Variants in SYNPR observed in about 807,000 individuals in gnomAD.
The protein encoded by SYNPR is synaptoporin.
SYNPR carries 23 observed loss-of-function variants against 32.9 expected under a neutral mutation model. The ratio of observed to expected loss-of-function variants is 0.70; its 90% CI spans 0.50 to 0.99. The LOEUF (loss-of-function observed/expected upper bound fraction) is 0.99. SYNPR is among the 50% of genes least tolerant of loss of function. The probability of loss-of-function intolerance (pLI) is 0.00; values close to 1 mark genes in which losing one functional copy is unlikely to be tolerated. For synonymous variants in SYNPR, 146 were observed against 135.9 expected (o/e 1.07, Z -0.52); for missense variants, 318 against 349.3 (o/e 0.91, Z 0.71).
intron 2 of SYNPR, among the ~76,000 whole-genome samples, chr3:63,384,376 T>A (rs2088014269): frequency 6.6e-6 from 1 of 152,220 alleles, no homozygotes; most frequent in African/African-American, 2.4e-5. Flanking sequence ...ACACAGAGCA[T>A]CCTTTATTGA....
Position 63,258,821 on chromosome 3 carries a change from G to A in SYNPR, n.154+6235G>A, listed in dbSNP as rs531504728. 9.8e-4 allele frequency among the ~76,000 whole-genome samples: 149 copies of A among 152,184 alleles called. 1 individual carries two copies. Among genetic ancestry groups the A allele is most frequent in the Admixed American group, 2.9e-3 (44 of 15,278 alleles). On this transcript the variant is annotated intron_variant and non_coding_transcript_variant, in intron 2 of 4. Transcript: ENST00000478456. Reference sequence around the variant, plus strand: ...AAAAGATCATCAAAATTGATAGACCGCTAGCAAGACTAATAAAGAAGAAAA... The same window carrying A: ...AAAAGATCATCAAAATTGATAGACCACTAGCAAGACTAATAAAGAAGAAAA...
chr3:63,512,020 A>T (rs889883140), intron 3 of SYNPR, among the ~76,000 whole-genome samples: 1 of 152,058 alleles, frequency 6.6e-6, no homozygotes, highest in Non-Finnish European at 1.5e-5. Flanking sequence ...ATATACGAAC[A>T]TATCTGATTA....
At chr3:63,579,520 G>A (rs551149014) in intron 4 of SYNPR, among the ~76,000 whole-genome samples, 2 of 152,052 alleles carry the variant, frequency 1.3e-5, no homozygotes, top group Admixed American at 1.3e-4. Flanking sequence ...AATTTACCTT[G>A]TTCATTGTCT....
chr3:63,322,071 C>T (rs2087116596), intron 2 of SYNPR, among the ~76,000 whole-genome samples: 1 of 151,958 alleles, frequency 6.6e-6, no homozygotes, highest in African/African-American at 2.4e-5. Flanking sequence ...GGAGAAACAG[C>T]CTCTTGAAAT....
chr3:63,405,031 A>G (rs529681467), intron 2 of SYNPR, among the ~76,000 whole-genome samples: 1 of 152,170 alleles, frequency 6.6e-6, no homozygotes, highest in East Asian at 1.9e-4. Context: ...TGTGTGTCAT[A>G]TATGATGAGA....
chr3:63,527,700 C>G (rs559635947), intron 3 of SYNPR, among the ~76,000 whole-genome samples: 1 of 152,298 alleles, frequency 6.6e-6, no homozygotes, highest in South Asian at 2.1e-4. Flanking sequence ...AATGCATAAG[C>G]CTCCTTGTTT....
intron 2 of SYNPR, among the ~76,000 whole-genome samples, chr3:63,477,735 C>G (rs1700958262): frequency 6.6e-6 from 1 of 152,200 alleles, no homozygotes; most frequent in Non-Finnish European, 1.5e-5. Flanking sequence ...TCCCCACTGT[C>G]CATCTGCTAG....
At chr3:63,401,344 G>A (rs1270241571) in intron 2 of SYNPR, among the ~76,000 whole-genome samples, 2 of 152,164 alleles carry the variant, frequency 1.3e-5, no homozygotes, top group African/African-American at 4.8e-5. Context: ...ATTTAGTTAA[G>A]AGCATGCGAT....
intron 4 of SYNPR, among the ~76,000 whole-genome samples, chr3:63,607,338 A>T (rs758847685): frequency 3.3e-5 from 5 of 152,362 alleles, no homozygotes; most frequent in Admixed American, 1.3e-4. Flanking sequence ...ACAGAAAGTC[A>T]TGATTTGACA....
At chr3:63,294,432 T>C (rs954824632) in intron 2 of SYNPR, among the ~76,000 whole-genome samples, 1 of 152,196 alleles carries the variant, frequency 6.6e-6, no homozygotes, top group Non-Finnish European at 1.5e-5. Flanking sequence ...GGTAAAATTA[T>C]TTATATTCTT....
intron 4 of SYNPR, among the ~76,000 whole-genome samples, chr3:63,577,431 G>A (rs1202100266): frequency 6.6e-6 from 1 of 152,114 alleles, no homozygotes; most frequent in African/African-American, 2.4e-5. Context: ...GAAAGGACAA[G>A]GAATTGAATT....
rs138498529 is a variant in SYNPR at position 63,334,515 on chromosome 3, AGTGTGTGTGTGTGTGTGT to A, written c.84+55799_84+55816del. ...AATTTCCAGGCAGTTGTCTCAATGAAGTGTGTGTGTGTGTGTGTGTGTGTGTGTGTGTGTGTGTGTGTG... is the reference window on the plus strand; with the variant it reads ...AATTTCCAGGCAGTTGTCTCAATGAAGTGTGTGTGTGTGTGTGTGTGTGTG... On this transcript the variant is annotated intron_variant, in intron 2 of 5. Transcript: ENST00000478300. 3.0e-3 allele frequency among the ~76,000 whole-genome samples: 455 copies of A among 149,272 alleles called. 6 individuals are homozygous for A. The East Asian group carries it at 0.051, about 17-fold the overall frequency.
At chr3:63,268,749 C>G (rs2086511300) in intron 3 of SYNPR, among the ~76,000 whole-genome samples, 1 of 152,110 alleles carries the variant, frequency 6.6e-6, no homozygotes, top group African/African-American at 2.4e-5. Context: ...ATAACTCACA[C>G]AGTTCAAACC....
At chr3:63,495,281 T>C (rs1256626108) in intron 3 of SYNPR, among the ~76,000 whole-genome samples, 1 of 152,200 alleles carries the variant, frequency 6.6e-6, no homozygotes, top group East Asian at 1.9e-4. Context: ...TTTAATGCTA[T>C]AGCTGATTCT....
chr3:63,301,119 G>C (rs1303111976), intron 2 of SYNPR, among the ~76,000 whole-genome samples: 2 of 152,018 alleles, frequency 1.3e-5, no homozygotes, highest in African/African-American at 2.4e-5. Flanking sequence ...CTCTTTCTGA[G>C]CTTCAGCTCC....
At chr3:63,221,578 T>A in the SYNPR span, among the ~76,000 whole-genome samples, 1 of 152,158 alleles carries the variant, frequency 6.6e-6, no homozygotes, top group Non-Finnish European at 1.5e-5. Context: ...ATGCTGTACC[T>A]TCTATGACCT....
intron 2 of SYNPR, among the ~76,000 whole-genome samples, chr3:63,323,169 G>C (rs767976653): frequency 2.2e-4 from 33 of 152,156 alleles, no homozygotes; most frequent in Middle Eastern, 6.8e-3. Flanking sequence ...AGCTTTTGAT[G>C]TTTGTTTCTT....
At chr3:63,439,495 T>C (rs1700133229) in intron 2 of SYNPR, among the ~76,000 whole-genome samples, 1 of 152,184 alleles carries the variant, frequency 6.6e-6, no homozygotes, top group Admixed American at 6.5e-5. Context: ...GTTAGGACAG[T>C]CTAAGTGGCT....
At chr3:63,260,240 C>A (rs970142189) in intron 2 of SYNPR, among the ~76,000 whole-genome samples, 4 of 152,068 alleles carry the variant, frequency 2.6e-5, no homozygotes, top group African/African-American at 9.7e-5. Context: ...CATATGGAAC[C>A]AAAAACGAGC....
Sources: allele counts gnomAD v4.1 joint callset (sites outside exome capture counted in the v4.1 genomes callset), GRCh38; gene constraint gnomAD v4.1.1; transcripts MANE v1.5; gene names NCBI Gene and HGNC (gene_info 2026-07-23, HGNC 2026-07-21).